The following SLIT3 variants were observed in gnomAD, a reference collection of about 807,000 sequenced individuals.
SLIT3 encodes the protein slit guidance ligand 3.
In SLIT3, 68 loss-of-function variants were observed where a neutral mutation model predicts 184.0. The observed-to-expected ratio is 0.37, with a 90% confidence interval of 0.30 to 0.45. The LOEUF is 0.45. Ranked by LOEUF, SLIT3 falls within the 20% of genes least tolerant of loss-of-function variation. The probability of loss-of-function intolerance (pLI) is 1.00; values close to 1 mark genes in which losing one functional copy is unlikely to be tolerated. For missense variants in SLIT3, 1,707 were observed against 2,026.0 expected (o/e 0.84, Z 3.02); for synonymous variants, 831 against 828.6 (o/e 1.00, Z -0.05).
intron 4 of SLIT3, among the ~76,000 whole-genome samples, chr5:168,974,574 T>A (rs1415160856): frequency 6.6e-6 from 1 of 152,196 alleles, no homozygotes; most frequent in Non-Finnish European, 1.5e-5. Context: ...TAGACTACTG[T>A]ATTCCTTCCA....
At chr5:168,678,769 G>A (rs748886210) in intron 32 of SLIT3, among the ~76,000 whole-genome samples, 1 of 151,584 alleles carries the variant, frequency 6.6e-6, no homozygotes, top group Non-Finnish European at 1.5e-5. Context: ...TGTGACAAAA[G>A]TAGAGGAAAA....
intron 3 of SLIT3, among the ~76,000 whole-genome samples, chr5:169,240,934 G>A (rs1217126253): frequency 6.6e-6 from 1 of 150,780 alleles, no homozygotes; most frequent in Non-Finnish European, 1.5e-5. Flanking sequence ...GACTTAATAA[G>A]GCAATAAATA....
intron 10 of SLIT3, among the ~76,000 whole-genome samples, chr5:168,794,173 G>A (rs966687030): frequency 5.9e-5 from 9 of 152,158 alleles, no homozygotes; most frequent in East Asian, 1.9e-4. Flanking sequence ...AATCAGCCTC[G>A]TGTGGAAGGA....
intron 1 of SLIT3, among the ~76,000 whole-genome samples, chr5:169,256,540 G>A (rs540530237): frequency 7.9e-5 from 12 of 152,318 alleles, no homozygotes; most frequent in South Asian, 4.1e-4. Context: ...TATCCCTGTC[G>A]TTAAACACAC....
Position 168,823,304 on chromosome 5 carries a change from G to A in SLIT3, c.585C>T (p.Arg195=). The A allele has an allele frequency of 6.2e-6, 10 of 1,614,042 alleles. No homozygotes were observed. The highest frequency in any genetic ancestry group is 8.5e-6 in the Non-Finnish European group (10 of 1,179,914). The part of the protein sequence containing the change: ...ILTLNNNNIS[R]ILVTSFNHMP... ...TGTGGTTGAAGCTGGTGACCAGGAT[G>A]CGACTGATGTTGTTGTTGTTGAGGG... The change falls in exon 7 of 36, where the codon CGC becomes CGT. Residue 195 remains arginine, a synonymous_variant. Coordinates refer to ENST00000519560, the MANE Select transcript of SLIT3 (RefSeq NM_003062.4).
At chr5:169,026,085 G>A (rs1218280866) in intron 4 of SLIT3, among the ~76,000 whole-genome samples, 1 of 152,156 alleles carries the variant, frequency 6.6e-6, no homozygotes, top group African/African-American at 2.4e-5. Flanking sequence ...TTTCATAGAT[G>A]GGGAATTTAT....
chr5:169,217,727 G>A (rs901029676), intron 3 of SLIT3, among the ~76,000 whole-genome samples: 1 of 152,184 alleles, frequency 6.6e-6, no homozygotes, highest in Non-Finnish European at 1.5e-5. Flanking sequence ...CACACAGGCC[G>A]CTCTGTGATT....
chr5:169,162,416 G>C (rs2113395347), intron 4 of SLIT3, among the ~76,000 whole-genome samples: 1 of 152,262 alleles, frequency 6.6e-6, no homozygotes, highest in Admixed American at 6.5e-5. Context: ...CCTGTCTCCA[G>C]GTTATCAGCA....
chr5:169,017,165 C>T (rs1756415334), intron 4 of SLIT3, among the ~76,000 whole-genome samples: 1 of 152,138 alleles, frequency 6.6e-6, no homozygotes, highest in South Asian at 2.1e-4. Context: ...ATCACTTTGC[C>T]CTGGAAAGAG....
chr5:168,998,279 CTCCA>C (rs1397598799), intron 4 of SLIT3, among the ~76,000 whole-genome samples: 1 of 152,344 alleles, frequency 6.6e-6, no homozygotes, highest in East Asian at 1.9e-4. Context: ...CCAGCACCAC[CTCCA>C]AAATGCCTCC....
chr5:169,291,992 A>G (rs764843428), intron 1 of SLIT3, among the ~76,000 whole-genome samples: 5 of 152,210 alleles, frequency 3.3e-5, no homozygotes, highest in Non-Finnish European at 7.3e-5. Context: ...GGCACAAAGA[A>G]AGGCTCAATA....
intron 4 of SLIT3, among the ~76,000 whole-genome samples, chr5:169,186,109 C>T (rs1177074972): frequency 2.0e-5 from 3 of 152,196 alleles, no homozygotes; most frequent in Admixed American, 6.5e-5. Flanking sequence ...TGAAATGCCC[C>T]TGACCCTCCC....
intron 5 of SLIT3, among the ~76,000 whole-genome samples, chr5:168,881,996 C>G (rs1759972730): frequency 6.6e-6 from 1 of 152,184 alleles, no homozygotes. Flanking sequence ...GTTCCCTCCA[C>G]CCACCCCCAG....
At chr5:168,697,222 T>C (rs1299897152) in intron 27 of SLIT3, among the ~76,000 whole-genome samples, 2 of 152,202 alleles carry the variant, frequency 1.3e-5, no homozygotes, top group Non-Finnish European at 2.9e-5. Context: ...GGAGGATCCC[T>C]CGCCTGCCAA....
At chr5:168,777,320 G>A (rs1156378171) in intron 12 of SLIT3, among the ~76,000 whole-genome samples, 1 of 152,138 alleles carries the variant, frequency 6.6e-6, no homozygotes, top group Non-Finnish European at 1.5e-5. Flanking sequence ...TGGTCATTTA[G>A]GTTTGAAACC....
intron 4 of SLIT3, among the ~76,000 whole-genome samples, chr5:169,079,814 A>T (rs180965601): frequency 0.17 from 741 of 4,328 alleles, 46 homozygotes; most frequent in African/African-American, 0.35. Context: ...GGGAAGGGGA[A>T]GAGGAGGAGG....
chr5:169,070,871 C>G (rs1044353042), intron 4 of SLIT3, among the ~76,000 whole-genome samples: 4 of 151,008 alleles, frequency 2.6e-5, no homozygotes, highest in Admixed American at 6.6e-5. Flanking sequence ...TCCAAATTAA[C>G]CTTAAAAAAA....
rs552964543 is a variant in SLIT3, at chr5:168,977,839, G to C, written c.414-94503C>G. 4.6e-5 allele frequency among the ~76,000 whole-genome samples: 7 copies of C among 152,184 alleles called. No homozygotes were observed. The South Asian group carries it at 1.5e-3, about 32-fold the overall frequency. On this transcript the variant is annotated intron_variant, in intron 4 of 35. Transcript: ENST00000519560. ...CAAAAGACATGGCTGTATCTAAAGT[G>C]TCCCTGAGCCCTCAGAGATGGAAAA...
At chr5:168,855,719 G>T (rs1255757771) in intron 5 of SLIT3, among the ~76,000 whole-genome samples, 1 of 152,196 alleles carries the variant, frequency 6.6e-6, no homozygotes, top group Non-Finnish European at 1.5e-5. Flanking sequence ...GAGGCTGGGG[G>T]CAGGGAGGGA....
Sources: allele counts gnomAD v4.1 joint callset (sites outside exome capture counted in the v4.1 genomes callset), GRCh38; gene constraint gnomAD v4.1.1; transcripts MANE v1.5; gene names NCBI Gene and HGNC (gene_info 2026-07-23, HGNC 2026-07-21).